The following BDNF variants were observed in gnomAD, a reference collection of about 807,000 sequenced individuals.
BDNF encodes the protein brain derived neurotrophic factor, also known as neurotrophic factor BDNF precursor form.
BDNF carries 1 observed loss-of-function variant against 19.5 expected under a neutral mutation model. The observed-to-expected ratio is 0.05, with a 90% CI of 0.02 to 0.24. The LOEUF is 0.24. Ranked by LOEUF, BDNF falls within the 10% of genes least tolerant of loss-of-function variation. The pLI, the probability that BDNF is intolerant of heterozygous loss-of-function variation, is 1.00. For synonymous variants in BDNF, 100 were observed against 121.6 expected (o/e 0.82, Z 1.17); for missense variants, 195 against 317.6 (o/e 0.61, Z 2.93).
At chr11:27,671,742 C>T (rs1363071871) in intron 1 of BDNF, among the ~76,000 whole-genome samples, 2 of 152,036 alleles carry the variant, frequency 1.3e-5, no homozygotes, top group Admixed American at 6.6e-5. Context: ...GATGGATTAG[C>T]CATTTTAACA....
chr11:27,692,444 C>T (rs921442672), intron 1 of BDNF, among the ~76,000 whole-genome samples: 17 of 152,100 alleles, frequency 1.1e-4, no homozygotes, highest in African/African-American at 3.6e-4. Context: ...TGGGCTCAAA[C>T]GATCCTACTG....
At chr11:27,691,458 A>T (rs917251712) in intron 1 of BDNF, among the ~76,000 whole-genome samples, 3 of 152,250 alleles carry the variant, frequency 2.0e-5, no homozygotes, top group Non-Finnish European at 2.9e-5. Flanking sequence ...TACATATAAC[A>T]TTCTTACTTT....
chr11:27,672,209 C>G (rs1855488127), intron 1 of BDNF, among the ~76,000 whole-genome samples: 1 of 152,122 alleles, frequency 6.6e-6, no homozygotes, highest in Non-Finnish European at 1.5e-5. Context: ...TCAATGAGAA[C>G]TTTTAGAATA....
chr11:27,691,902 G>C (rs1858346748), intron 1 of BDNF, among the ~76,000 whole-genome samples: 1 of 152,088 alleles, frequency 6.6e-6, no homozygotes, highest in Admixed American at 6.6e-5. Flanking sequence ...TGAACGGTGA[G>C]AAGTTTTCTT....
At position 27,700,285 on chromosome 11, in the gene BDNF, G is replaced by C; in HGVS notation, c.-143C>G. 1.0e-6 allele frequency: 1 copy of C among 985,038 alleles called. No individual in the cohort carries two copies. The highest frequency in any genetic ancestry group is 1.2e-6 in the Non-Finnish European group (1 of 829,900). 61.0% of individuals were successfully genotyped at this position (985,038 alleles called of 1,614,324 possible). On this transcript the variant is annotated 5_prime_UTR_variant, in exon 1 of 2. Coordinates refer to ENST00000356660, the MANE Select transcript of BDNF (RefSeq NM_001709.5). ...GCTGCTCCCCGCCGGCCCCACAGCA[G>C]CGGTGGGTGTCTCATTAAAGCCCCC...
chr11:27,659,106 A>C (rs1430786508), intron 1 of BDNF: 2 of 1,007,434 alleles, frequency 2.0e-6, no homozygotes, highest in Non-Finnish European at 2.4e-6. Flanking sequence ...GAATAGCACA[A>C]TAAAACAGCA....
intron 1 of BDNF, among the ~76,000 whole-genome samples, chr11:27,686,234 C>G (rs1360006837): frequency 6.6e-6 from 1 of 151,176 alleles, no homozygotes; most frequent in African/African-American, 2.4e-5. Flanking sequence ...TTTTTTTTTG[C>G]TTTCCATTTG....
chr11:27,698,454 AGCATTGAAG>A (rs1859447220), intron 1 of BDNF, among the ~76,000 whole-genome samples: 1 of 152,154 alleles, frequency 6.6e-6, no homozygotes, highest in African/African-American at 2.4e-5. Context: ...GCATGAGATA[AGCATTGAAG>A]GCACACACGT....
In BDNF at chr11:27,706,955, C is replaced by T. The variant is rs985963000; in HGVS notation, c.3+14457G>A. 3.9e-5 allele frequency among the ~76,000 whole-genome samples: 6 copies of T among 152,192 alleles called. No individual in the cohort carries two copies. The South Asian group carries it at 1.2e-3, about 31-fold the overall frequency. ...TAGCTTTCACTGTTTTCCCCCTCAA[C>T]AAAATTGTTTAAGAAACAGTGGCTT... is the stretch of plus-strand genomic sequence containing the variant. On this transcript the variant is annotated intron_variant, in intron 1 of 1. Coordinates refer to the BDNF transcript ENST00000314915.
At chr11:27,689,003 A>G (rs1857884839) in intron 1 of BDNF, among the ~76,000 whole-genome samples, 1 of 152,240 alleles carries the variant, frequency 6.6e-6, no homozygotes, top group African/African-American at 2.4e-5. Flanking sequence ...TTTTAAAAAA[A>G]TTAAATTAAA....
rs1371350984 is a variant in BDNF, at chr11:27,694,054, T to G, written c.-22+6110A>C. On this transcript the variant is annotated intron_variant, in intron 1 of 1. Coordinates refer to ENST00000356660, the MANE Select transcript of BDNF (RefSeq NM_001709.5). ...AAAGCACAAACAATATGACTTTCTT[T>G]GGTTATCATGCAATTTTTTCTCTGC... Among the ~76,000 whole-genome samples, 5 of 152,180 alleles carry G rather than the reference T, an allele frequency of 3.3e-5. No individual in the cohort carries two copies. The East Asian group carries it at 7.7e-4, about 23-fold the overall frequency.
At position 27,684,470 on chromosome 11, in the gene BDNF, T is replaced by A. The variant is rs570144999; in HGVS notation, c.-22+15694A>T. Among the ~76,000 whole-genome samples, 129 of 152,324 alleles carry A rather than the reference T, an allele frequency of 8.5e-4. 1 individual carries two copies. Among genetic ancestry groups the A allele is most frequent in the African/African-American group, 3.0e-3 (123 of 41,576 alleles). On this transcript the variant is annotated intron_variant, in intron 1 of 1. Transcript: ENST00000356660. ...GGAGTGGTGACAGAGGGCATCCTTG[T>A]TTTGTGCCGGTTTTCAAATGAATGC...
In BDNF at chr11:27,700,417, C is replaced by A; in HGVS notation, c.-275G>T. On this transcript the variant is annotated 5_prime_UTR_variant, in exon 1 of 2. Coordinates refer to ENST00000356660, the MANE Select transcript of BDNF (RefSeq NM_001709.5). ...GCGAGCGGGCGGGTGCGCCCGGGCGCGGCGGCGGCAGCGTCGGGGACCCGG... is the reference window on the plus strand; with the variant it reads ...GCGAGCGGGCGGGTGCGCCCGGGCGAGGCGGCGGCAGCGTCGGGGACCCGG... The A allele has an allele frequency of 1.0e-6, 1 of 985,464 alleles. No individual in the cohort carries two copies. The highest frequency in any genetic ancestry group is 1.2e-6 in the Non-Finnish European group (1 of 829,932). 61.0% of individuals were successfully genotyped at this position (985,464 alleles called of 1,614,324 possible).
chr11:27,700,879 C>G, upstream of BDNF: 1 of 1,288,336 alleles, frequency 7.8e-7, no homozygotes, highest in South Asian at 1.3e-5. Context: ...CCCGAGGTCT[C>G]GCTCCCCTAG....
chr11:27,700,299 A>C lies in BDNF; in HGVS notation c.-157T>G. ...GCCCCACAGCAGCGGTGGGTGTCTC[A>C]TTAAAGCCCCCCGAGCAGGAGGTGG... On this transcript the variant is annotated 5_prime_UTR_variant, in exon 1 of 2. The change abolishes an upstream ATG in the 5' untranslated region. Transcript: ENST00000356660. 1 of 984,810 alleles carries C rather than the reference A, an allele frequency of 1.0e-6. No individual in the cohort carries two copies. Among genetic ancestry groups the C allele is most frequent in the Non-Finnish European group, 1.2e-6 (1 of 829,822 alleles). 61.0% of individuals were successfully genotyped at this position (984,810 alleles called of 1,614,324 possible).
Position 27,693,559 on chromosome 11 carries a change from G to T in BDNF, c.-22+6605C>A, listed in dbSNP as rs532855369. Among the ~76,000 whole-genome samples the T allele has an allele frequency of 2.0e-5, 3 of 152,252 alleles. No individual in the cohort carries two copies. The East Asian group carries it at 5.8e-4, about 29-fold the overall frequency. On this transcript the variant is annotated intron_variant, in intron 1 of 1. Transcript: ENST00000356660. ...ATTATCAGCCAACATGTCGGTGCTG[G>T]ATGTATTTTCCCAATGTTGCATAAG...
At chr11:27,700,023 C>T in intron 1 of BDNF, 141 bp downstream of exon 1, 1 of 842,682 alleles carries the variant, frequency 1.2e-6, no homozygotes, top group Non-Finnish European at 1.4e-6. Flanking sequence ...AAGAGTAACT[C>T]CAAATCGTCC....
intron 1 of BDNF, among the ~76,000 whole-genome samples, chr11:27,721,004 C>T (rs942901153): frequency 2.7e-5 from 4 of 147,768 alleles, no homozygotes; most frequent in East Asian, 2.0e-4. Context: ...CCCCACTCCA[C>T]CCCCTAACCC....
At chr11:27,721,452 A>G (rs1860738028) in exon 1 of BDNF, 2 of 1,612,902 alleles carry the variant, frequency 1.2e-6, no homozygotes, top group Admixed American at 1.7e-5. Flanking sequence ...GTGTCTTAAA[A>G]TCTCGTCTCC....
Sources: allele counts gnomAD v4.1 joint callset (sites outside exome capture counted in the v4.1 genomes callset), GRCh38; gene constraint gnomAD v4.1.1; transcripts MANE v1.5; gene names NCBI Gene and HGNC (gene_info 2026-07-23, HGNC 2026-07-21).